SPINK5: variants seen among roughly 807,000 people sequenced by gnomAD.
SPINK5 encodes the protein serine peptidase inhibitor Kazal type 5, also known as serine protease inhibitor Kazal-type 5.
In SPINK5, 125 loss-of-function variants were observed where a neutral mutation model predicts 151.8. That is an observed-to-expected ratio of 0.82 (90% CI 0.71 to 0.96). The LOEUF (loss-of-function observed/expected upper bound fraction) is 0.96, where lower values mean the gene tolerates loss of function less well. SPINK5 is among the 40% of genes least tolerant of loss of function. SPINK5 has a pLI of 0.00. For missense variants in SPINK5, 1,194 were observed against 1,291.9 expected (o/e 0.92, Z 1.16); for synonymous variants, 374 against 395.3 (o/e 0.95, Z 0.64).
chr5:148,116,356 T>G lies in SPINK5; in HGVS notation c.2016-14T>G. 1.2e-6 allele frequency: 2 copies of G among 1,613,804 alleles called. No homozygotes were observed. The highest frequency in any genetic ancestry group is 1.7e-6 in the Non-Finnish European group (2 of 1,179,774). On this transcript the variant is annotated splice_polypyrimidine_tract_variant and intron_variant, in intron 21 of 32. Coordinates refer to ENST00000256084, the MANE Select transcript of SPINK5 (RefSeq NM_006846.4). ...TAATCTATTGTTCCCTACCTCCCAC[T>G]TTCTAATTTCCAGCCAGAAAGAAAA... is the stretch of plus-strand genomic sequence containing the variant.
intron 30 of SPINK5, among the ~76,000 whole-genome samples, chr5:148,127,691 A>AACTT (rs1754467056): frequency 1.3e-5 from 2 of 151,836 alleles, no homozygotes; most frequent in Admixed American, 1.3e-4. Context: ...GTCTCTAGAA[A>AACTT]ACTTACAAAA....
At chr5:148,073,431 C>A (rs1032036138) in intron 4 of SPINK5, among the ~76,000 whole-genome samples, 2 of 151,862 alleles carry the variant, frequency 1.3e-5, no homozygotes, top group African/African-American at 4.8e-5. Context: ...AACTCTTTAT[C>A]TGTAGCAAAA....
chr5:148,105,736 C>A (rs1320171675), intron 16 of SPINK5, among the ~76,000 whole-genome samples: 1 of 151,796 alleles, frequency 6.6e-6, no homozygotes, highest in Non-Finnish European at 1.5e-5. Context: ...CCTGCCTCAG[C>A]CTCTCTAATA....
intron 8 of SPINK5, among the ~76,000 whole-genome samples, chr5:148,093,771 T>C (rs937480521): frequency 6.6e-6 from 1 of 151,978 alleles, no homozygotes; most frequent in East Asian, 2.0e-4. Context: ...TACCTAGTTT[T>C]AATCCAAGAA....
chr5:148,073,279 A>G (rs1034156695), intron 4 of SPINK5, among the ~76,000 whole-genome samples: 2 of 151,994 alleles, frequency 1.3e-5, no homozygotes, highest in Non-Finnish European at 2.9e-5. Flanking sequence ...CAACGCTGAC[A>G]TCTTCCTTGG....
chr5:148,084,449 T>C (rs1038973132), intron 4 of SPINK5, among the ~76,000 whole-genome samples: 1 of 151,758 alleles, frequency 6.6e-6, no homozygotes, highest in Non-Finnish European at 1.5e-5. Flanking sequence ...CACCTAGGGG[T>C]TTGGAGGGGA....
chr5:148,086,584 T>A (rs1753162392), intron 5 of SPINK5, 52 bp downstream of exon 5: 2 of 1,596,694 alleles, frequency 1.3e-6, no homozygotes, highest in African/African-American at 2.7e-5. Flanking sequence ...CTCTCTATAA[T>A]TACATGACAC....
chr5:148,133,827 T>G lies in SPINK5; in HGVS notation c.3126T>G (p.Ser1042Arg), dbSNP rs1581115832. ...LIRQTNTHIR[S>R]TGKCEESSTP... ...GCCAAACAAATACACACATCCGCAG[T>G]ACAGGGAAGTGTGAGGAGAGCAGCA... Residue 1042 changes from serine to arginine, a missense_variant, in exon 32 of 33, where the codon AGT (serine) becomes AGG (arginine). Ser to Arg is a moderately radical substitution (Grantham distance 110). Transcript: ENST00000256084. The G allele has an allele frequency of 6.2e-7, 1 of 1,614,022 alleles. No individual in the cohort carries two copies. The highest frequency in any genetic ancestry group is 1.1e-5 in the South Asian group (1 of 91,080).
chr5:148,097,960 C>A lies in SPINK5; in HGVS notation c.976C>A (p.His326Asn). 2 of 1,612,148 alleles carry A rather than the reference C, an allele frequency of 1.2e-6. No individual in the cohort carries two copies. The highest frequency in any genetic ancestry group is 2.2e-5 in the East Asian group (1 of 44,782). The stretch of plus-strand genomic sequence containing the variant: ...TATTCGTGGTCCAGATGGGAAAATG[C>A]ATGGCAACTTGTGTTCCATGTGTCA... ...DPIRGPDGKM[H>N]GNLCSMCQAY... Residue 326 changes from histidine (H) to asparagine (N), a missense_variant, in exon 11 of 33, where the codon CAT becomes AAT. Transcript: ENST00000256084.
At chr5:148,136,658 A>G (rs975580971) in intron 32 of SPINK5, among the ~76,000 whole-genome samples, 1 of 152,160 alleles carries the variant, frequency 6.6e-6, no homozygotes, top group African/African-American at 2.4e-5. Context: ...AAGTTACTAA[A>G]CTTCTCTGAA....
intron 8 of SPINK5, among the ~76,000 whole-genome samples, chr5:148,093,341 G>C (rs1419279019): frequency 6.6e-6 from 1 of 151,724 alleles, no homozygotes; most frequent in Non-Finnish European, 1.5e-5. Context: ...AATCTTTCTT[G>C]GATTTTTTTT....
At chr5:148,107,743 G>A (rs139328472) in intron 17 of SPINK5, among the ~76,000 whole-genome samples, 15 of 152,246 alleles carry the variant, frequency 9.9e-5, no homozygotes, top group African/African-American at 3.4e-4. Flanking sequence ...TCCTTGTTAA[G>A]CCAGGTTCAT....
intron 4 of SPINK5, among the ~76,000 whole-genome samples, chr5:148,078,528 A>G (rs1489251046): frequency 6.6e-6 from 1 of 150,966 alleles, no homozygotes; most frequent in Non-Finnish European, 1.5e-5. Flanking sequence ...AGGATACACT[A>G]TATACTAAGG....
intron 32 of SPINK5, among the ~76,000 whole-genome samples, chr5:148,135,411 A>G (rs753417586): frequency 7.4e-4 from 112 of 152,212 alleles, no homozygotes; most frequent in Non-Finnish European, 1.2e-3. Flanking sequence ...AGAACTTGCC[A>G]TAGGTTTATA....
chr5:148,092,569 C>A (rs1335684279), intron 8 of SPINK5, among the ~76,000 whole-genome samples: 1 of 151,806 alleles, frequency 6.6e-6, no homozygotes, highest in East Asian at 2.0e-4. Context: ...GTGAATAGGA[C>A]TGCTTTATTG....
Position 148,114,416 on chromosome 5 carries a change from A to G in SPINK5, c.1942A>G (p.Arg648Gly), listed in dbSNP as rs1754030938. ...LLQNGKLFCT[R>G]ENDPVRGPDG... ...GCAAAATGGAAAACTTTTCTGCACA[A>G]GAGAAAATGATCCTGTGCGTGGCCC... The change falls in exon 21 of 33, where the codon AGA (arginine) becomes GGA (glycine). Residue 648 changes from arginine (R) to glycine (G), a missense_variant. By Grantham distance (125) the Arg-to-Gly change is moderately radical. Coordinates refer to ENST00000256084, the MANE Select transcript of SPINK5 (RefSeq NM_006846.4). The G allele has an allele frequency of 6.8e-6, 11 of 1,613,780 alleles. No homozygotes were observed. Among genetic ancestry groups the G allele is most frequent in the Non-Finnish European group, 8.5e-6 (10 of 1,179,744 alleles).
chr5:148,112,871 G>C lies in SPINK5; in HGVS notation c.1824G>C (p.Gln608His). The C allele has an allele frequency of 6.2e-7, 1 of 1,613,708 alleles. No homozygotes were observed. Among genetic ancestry groups the C allele is most frequent in the South Asian group, 1.1e-5 (1 of 91,066 alleles). ...NTCSMCEAFFQQEAKEKERAE... is the reference protein window; with the variant it reads ...NTCSMCEAFFHQEAKEKERAE... ...TTTGTCCTCCCTTTTCTTATAGCCA[G>C]CAAGAAGCAAAAGAAAAAGAAAGAG... Residue 608 changes from glutamine (Q) to histidine (H), a missense_variant, in exon 20 of 33, where the codon CAG (glutamine) becomes CAC (histidine). Coordinates refer to ENST00000256084, the MANE Select transcript of SPINK5 (RefSeq NM_006846.4).
At chr5:148,133,139 G>A (rs1435480128) in intron 31 of SPINK5, among the ~76,000 whole-genome samples, 2 of 152,140 alleles carry the variant, frequency 1.3e-5, no homozygotes, top group Non-Finnish European at 2.9e-5. Context: ...TTTAGCTAAG[G>A]GAGCTGGGAG....
chr5:148,069,977 G>GCAACATT (rs1440895163), intron 2 of SPINK5, among the ~76,000 whole-genome samples: 11 of 151,992 alleles, frequency 7.2e-5, no homozygotes, highest in African/African-American at 2.7e-4. Flanking sequence ...CAGTCCTTCA[G>GCAACATT]CAACATTTTC....
Sources: gnomAD v4.1 joint callset for allele counts (sites outside exome capture counted in the v4.1 genomes callset) on GRCh38, gnomAD v4.1.1 for gene constraint, MANE v1.5 for transcripts, NCBI Gene and HGNC (gene_info 2026-07-23, HGNC 2026-07-21) for gene names.